Variants in CRACR2A observed in about 807,000 individuals in gnomAD.
The protein encoded by CRACR2A is calcium release activated channel regulator 2A, also known as EF-hand calcium-binding domain-containing protein 4B.
In CRACR2A, 79 loss-of-function variants were observed where a neutral mutation model predicts 90.5. The ratio of observed to expected loss-of-function variants is 0.87; its 90% CI spans 0.73 to 1.05. The LOEUF is 1.05. CRACR2A is among the 50% of genes least tolerant of loss of function. The probability of loss-of-function intolerance (pLI) is 0.00; values close to 1 mark genes in which losing one functional copy is unlikely to be tolerated. For missense variants in CRACR2A, 823 were observed against 897.2 expected, an observed-to-expected ratio of 0.92 and a Z score of 1.06; for synonymous variants, 338 against 356.7, an observed-to-expected ratio of 0.95 and a Z score of 0.59.
At chr12:3,684,293 G>A (rs1440024357) in intron 4 of CRACR2A, among the ~76,000 whole-genome samples, 2 of 152,150 alleles carry the variant, frequency 1.3e-5, no homozygotes, top group South Asian at 2.1e-4. Flanking sequence ...TCTCTAGGAC[G>A]AGAGTGGGAG....
rs1944293109 is a variant in CRACR2A at position 3,627,707 on chromosome 12, C to T, written c.1736-1G>A. Reference sequence around the variant, plus strand: ...AACGTCTTCACACGGTAATCAATGCCTGCAGGGTGAAATGGGCCTGTCAGG... The same window carrying T: ...AACGTCTTCACACGGTAATCAATGCTTGCAGGGTGAAATGGGCCTGTCAGG... On this transcript the variant is annotated splice_acceptor_variant, in intron 15 of 19. Coordinates refer to ENST00000440314, the MANE Select transcript of CRACR2A (RefSeq NM_001144958.2). LOFTEE classifies it high-confidence loss of function. The T allele has an allele frequency of 6.4e-7, 1 of 1,551,778 alleles. No homozygotes were observed. The highest frequency in any genetic ancestry group is 8.7e-7 in the Non-Finnish European group (1 of 1,147,014).
At chr12:3,617,973 G>C (rs1867725262) in intron 18 of CRACR2A, among the ~76,000 whole-genome samples, 1 of 152,160 alleles carries the variant, frequency 6.6e-6, no homozygotes, top group Admixed American at 6.5e-5. Flanking sequence ...TCTCAGATCT[G>C]CAATCTCTTG....
chr12:3,648,678 T>C lies in CRACR2A; in HGVS notation c.1047-65A>G, dbSNP rs1591654737. On this transcript the variant is annotated intron_variant, in intron 10 of 19. Transcript: ENST00000440314. The stretch of plus-strand genomic sequence containing the variant: ...GGAAGCCGGATGCCCGGACCCCTCA[T>C]GCTGGAGACCAGCAGGTGATGCCGT... The C allele has an allele frequency of 8.3e-6, 13 of 1,562,514 alleles. No individual in the cohort carries two copies. In the East Asian group the frequency reaches 2.7e-4, roughly 33 times the overall value.
At position 3,638,293 on chromosome 12, in the gene CRACR2A, G is replaced by A. The variant is rs1218659254; in HGVS notation, c.1433C>T (p.Pro478Leu). 6 of 1,551,634 alleles carry A rather than the reference G, an allele frequency of 3.9e-6. No individual in the cohort carries two copies. Among genetic ancestry groups the A allele is most frequent in the East Asian group, 2.4e-5 (1 of 40,906 alleles). ...LRRIISVEED[P>L]LPQLLDGGFE... ...GCCACCATCCAGGAGCTGGGGCAGG[G>A]GGTCTTCTTCAACGGAGATGATTCT... The change falls in exon 14 of 20, where the codon CCC (proline) becomes CTC (leucine). Residue 478 changes from proline (P) to leucine (L), a missense_variant. Pro to Leu is a moderately conservative substitution (Grantham distance 98). Transcript: ENST00000440314.
At chr12:3,652,463 C>CT (rs34618666) in intron 10 of CRACR2A, among the ~76,000 whole-genome samples, 40 of 151,058 alleles carry the variant, frequency 2.6e-4, no homozygotes, top group Admixed American at 5.9e-4. Context: ...TTTGTTTTTG[C>CT]TTTTTTTTTA....
intron 12 of CRACR2A, among the ~76,000 whole-genome samples, chr12:3,643,856 T>TATATATAAATATATACAATATATATTA (rs1478137267): frequency 1.5e-5 from 1 of 67,354 alleles, no homozygotes; most frequent in Non-Finnish European, 2.5e-5. Flanking sequence ...TATTATATAT[T>TATATATAAATATATACAATATATATTA]TATATTATAT....
intron 7 of CRACR2A, among the ~76,000 whole-genome samples, chr12:3,666,676 C>T (rs548765351): frequency 2.8e-4 from 42 of 152,380 alleles, no homozygotes; most frequent in African/African-American, 9.1e-4. Flanking sequence ...GGCATTAATA[C>T]TCAACATCAC....
chr12:3,747,912 G>A (rs11062785), intron 1 of CRACR2A, among the ~76,000 whole-genome samples: 31,126 of 148,210 alleles, frequency 0.21, 3,370 homozygotes, highest in East Asian at 0.48. Flanking sequence ...AGTTCCACAG[G>A]CTCAGGGGTA....
At chr12:3,733,965 T>G (rs1946400296) in intron 1 of CRACR2A, among the ~76,000 whole-genome samples, 1 of 112,672 alleles carries the variant, frequency 8.9e-6, no homozygotes. Flanking sequence ...CTGGACACAT[T>G]TTGCCTTATT....
At position 3,724,848 on chromosome 12, in the gene CRACR2A, G is replaced by C. The variant is rs576632660; in HGVS notation, c.-118+8094C>G. 2.0e-5 allele frequency among the ~76,000 whole-genome samples: 3 copies of C among 152,298 alleles called. No homozygotes were observed. The East Asian group carries it at 5.8e-4, about 29-fold the overall frequency. On this transcript the variant is annotated intron_variant, in intron 2 of 19. Transcript: ENST00000440314. ...AGACATCCGACCTCACCCTTCACTGGTTCCCACTGCTATGGAATGGAGTGT... is the reference window on the plus strand; with the variant it reads ...AGACATCCGACCTCACCCTTCACTGCTTCCCACTGCTATGGAATGGAGTGT...
At chr12:3,693,095 G>A (rs540894489) in intron 4 of CRACR2A, among the ~76,000 whole-genome samples, 11 of 152,294 alleles carry the variant, frequency 7.2e-5, no homozygotes, top group Admixed American at 1.3e-4. Flanking sequence ...GCACACGTGC[G>A]TGCTGGCAGG....
At chr12:3,722,181 CA>C (rs1341069200) in intron 2 of CRACR2A, among the ~76,000 whole-genome samples, 1 of 152,186 alleles carries the variant, frequency 6.6e-6, no homozygotes, top group Admixed American at 6.5e-5. Flanking sequence ...CAGGAGTCAA[CA>C]AAATCTTCTT....
At chr12:3,622,105 C>A (rs150544994) in intron 17 of CRACR2A, among the ~76,000 whole-genome samples, 289 of 152,264 alleles carry the variant, frequency 1.9e-3, no homozygotes, top group African/African-American at 6.6e-3. Context: ...AGGTTTTCAG[C>A]CTGCATACCA....
intron 17 of CRACR2A, 46 bp downstream of exon 17, chr12:3,627,390 A>T: frequency 2.9e-6 from 4 of 1,399,474 alleles, no homozygotes; most frequent in Non-Finnish European, 3.9e-6. Context: ...AAGAAAAAAG[A>T]AGCCACAGTC....
intron 14 of CRACR2A, among the ~76,000 whole-genome samples, chr12:3,635,895 C>T (rs1944446002): frequency 6.6e-6 from 1 of 152,142 alleles, no homozygotes. Flanking sequence ...TTCTTTATAT[C>T]ATCTTTGTTT....
chr12:3,617,346 C>T (rs1342708494), intron 18 of CRACR2A, among the ~76,000 whole-genome samples: 2 of 152,222 alleles, frequency 1.3e-5, no homozygotes, highest in Non-Finnish European at 2.9e-5. Context: ...CCAGGTTACA[C>T]CAGCCCTGTG....
intron 12 of CRACR2A, among the ~76,000 whole-genome samples, chr12:3,644,213 A>G (rs555219880): frequency 1.3e-3 from 203 of 151,888 alleles, no homozygotes; most frequent in African/African-American, 4.6e-3. Context: ...TGACAGTATA[A>G]AATGCAAAAT....
chr12:3,691,977 T>C (rs1945656231), intron 4 of CRACR2A, among the ~76,000 whole-genome samples: 1 of 152,248 alleles, frequency 6.6e-6, no homozygotes, highest in South Asian at 2.1e-4. Context: ...ATTCTTGTAG[T>C]GTAGTTTTTC....
At chr12:3,703,774 G>T (rs193161545) in intron 3 of CRACR2A, among the ~76,000 whole-genome samples, 17 of 152,242 alleles carry the variant, frequency 1.1e-4, no homozygotes, top group Non-Finnish European at 1.5e-5. Flanking sequence ...CATTTGAACA[G>T]GCACTTCACC....
Sources: gnomAD v4.1 joint callset for allele counts (sites outside exome capture counted in the v4.1 genomes callset) on GRCh38, gnomAD v4.1.1 for gene constraint, MANE v1.5 for transcripts, NCBI Gene and HGNC (gene_info 2026-07-23, HGNC 2026-07-21) for gene names.